PPM1E: variants seen among roughly 807,000 people sequenced by gnomAD.
PPM1E encodes the protein protein phosphatase, Mg2+/Mn2+ dependent 1E.
Under a neutral mutation model 65.9 loss-of-function variants are expected in PPM1E, and 20 were observed. That is an observed-to-expected ratio of 0.30 (90% CI 0.21 to 0.44). The LOEUF is 0.44. Ranked by LOEUF, PPM1E falls within the 20% of genes least tolerant of loss-of-function variation. The probability of loss-of-function intolerance (pLI) is 1.00; values close to 1 mark genes in which losing one functional copy is unlikely to be tolerated. For missense variants in PPM1E, 713 were observed against 953.1 expected, an observed-to-expected ratio of 0.75 and a Z score of 3.32; for synonymous variants, 352 against 374.9, an observed-to-expected ratio of 0.94 and a Z score of 0.70.
intron 1 of PPM1E, among the ~76,000 whole-genome samples, chr17:58,834,669 G>T: frequency 6.6e-6 from 1 of 152,094 alleles, no homozygotes; most frequent in Non-Finnish European, 1.5e-5. Context: ...TCATTAAATT[G>T]CTTTTATGCC....
At chr17:58,835,580 A>T (rs1416705462) in intron 1 of PPM1E, among the ~76,000 whole-genome samples, 2 of 152,130 alleles carry the variant, frequency 1.3e-5, no homozygotes, top group African/African-American at 4.8e-5. Flanking sequence ...AGCATTTAGG[A>T]GGTTGAGGTA....
At chr17:58,832,049 G>C (rs1236002244) in intron 1 of PPM1E, among the ~76,000 whole-genome samples, 1 of 152,142 alleles carries the variant, frequency 6.6e-6, no homozygotes, top group Admixed American at 6.5e-5. Context: ...CTTTGTCTCT[G>C]TAGGACTATT....
At chr17:58,803,992 G>C (rs1278991889) in intron 1 of PPM1E, among the ~76,000 whole-genome samples, 1 of 152,232 alleles carries the variant, frequency 6.6e-6, no homozygotes, top group Non-Finnish European at 1.5e-5. Flanking sequence ...GCACTGGCAT[G>C]ATCATAGCTC....
chr17:58,868,568 CT>C (rs533820677), intron 1 of PPM1E, among the ~76,000 whole-genome samples: 37,126 of 128,046 alleles, frequency 0.29, 4,633 homozygotes, highest in Middle Eastern at 0.44. Flanking sequence ...AATGTCCAGG[CT>C]TTTTTTTTTT....
chr17:58,981,034 T>C lies in PPM1E; in HGVS notation c.*3T>C, dbSNP rs1331819009. 2 of 1,574,896 alleles carry C rather than the reference T, an allele frequency of 1.3e-6. No individual in the cohort carries two copies. The highest frequency in any genetic ancestry group is 1.7e-6 in the Non-Finnish European group (2 of 1,165,084). On this transcript the variant is annotated 3_prime_UTR_variant, in exon 7 of 7. Coordinates refer to ENST00000308249, the MANE Select transcript of PPM1E (RefSeq NM_014906.5). ...CTTGGAGCTATAAAATAGAATAATT[T>C]TTCTTTCAAGTAGGTTAGCTAGCTC...
intron 1 of PPM1E, among the ~76,000 whole-genome samples, chr17:58,813,602 G>A (rs1457718206): frequency 2.0e-5 from 3 of 152,160 alleles, no homozygotes; most frequent in African/African-American, 7.2e-5. Context: ...GTTTATTTGT[G>A]AGAGAATTTG....
intron 1 of PPM1E, among the ~76,000 whole-genome samples, chr17:58,820,573 A>G (rs923862165): frequency 1.3e-5 from 2 of 152,204 alleles, no homozygotes; most frequent in African/African-American, 4.8e-5. Context: ...GAGTGTGCTT[A>G]TTGGACCTAC....
In PPM1E at chr17:58,983,149, G is replaced by A. The variant is rs2143856712; in HGVS notation, c.*2118G>A. On this transcript the variant is annotated 3_prime_UTR_variant, in exon 7 of 7. Coordinates refer to ENST00000308249, the MANE Select transcript of PPM1E (RefSeq NM_014906.5). Reference sequence around the variant, plus strand: ...TGGGACAAACACAGACCCATCTTTAGGGGTCTGGATTTTGTAGGTCCGACT... The same window carrying A: ...TGGGACAAACACAGACCCATCTTTAAGGGTCTGGATTTTGTAGGTCCGACT... 1 of 473,516 alleles carries A rather than the reference G, an allele frequency of 2.1e-6. No homozygotes were observed. Among genetic ancestry groups the A allele is most frequent in the East Asian group, 3.3e-5 (1 of 30,324 alleles). 29.3% of individuals were successfully genotyped at this position (473,516 alleles called of 1,614,324 possible).
intron 1 of PPM1E, among the ~76,000 whole-genome samples, chr17:58,800,216 C>T (rs922595268): frequency 1.3e-5 from 2 of 151,888 alleles, no homozygotes; most frequent in African/African-American, 4.8e-5. Flanking sequence ...GTGGTCATTA[C>T]ATTAATTGTT....
intron 1 of PPM1E, among the ~76,000 whole-genome samples, chr17:58,916,998 C>T (rs1223640962): frequency 1.3e-5 from 2 of 152,094 alleles, no homozygotes; most frequent in African/African-American, 4.8e-5. Flanking sequence ...TTGCTTGAGG[C>T]CAGGAGTGTG....
chr17:58,793,040 G>A (rs946666658), intron 1 of PPM1E, among the ~76,000 whole-genome samples: 1 of 151,824 alleles, frequency 6.6e-6, no homozygotes, highest in African/African-American at 2.4e-5. Flanking sequence ...GAGCCATTAC[G>A]CCCAGCCGAA....
At chr17:58,806,346 G>A (rs1459389488) in intron 1 of PPM1E, among the ~76,000 whole-genome samples, 1 of 151,864 alleles carries the variant, frequency 6.6e-6, no homozygotes, top group African/African-American at 2.4e-5. Flanking sequence ...GTGGGAAAGG[G>A]ATGGATGTAA....
rs140438917 is a variant in PPM1E, at chr17:58,918,584, T to C, written c.465-37065T>C. Among the ~76,000 whole-genome samples, 48 of 152,108 alleles carry C rather than the reference T, an allele frequency of 3.2e-4. No homozygotes were observed. The East Asian group carries it at 8.3e-3, about 26-fold the overall frequency. On this transcript the variant is annotated intron_variant, in intron 1 of 6. Coordinates refer to ENST00000308249, the MANE Select transcript of PPM1E (RefSeq NM_014906.5). ...ACTTTGGGAGGCTGAGGCTGGTGGA[T>C]TGCCTGAGCTCAGGAGTTCCAGACC...
intron 1 of PPM1E, among the ~76,000 whole-genome samples, chr17:58,883,101 G>A (rs563305992): frequency 2.0e-5 from 3 of 151,428 alleles, no homozygotes; most frequent in South Asian, 2.1e-4. Flanking sequence ...GATTACAGGC[G>A]CCTGCCACCA....
intron 1 of PPM1E, among the ~76,000 whole-genome samples, chr17:58,845,526 A>G (rs950328034): frequency 6.6e-6 from 1 of 152,100 alleles, no homozygotes; most frequent in Admixed American, 6.6e-5. Flanking sequence ...CCTGGCAACC[A>G]TCATTCTGCT....
At chr17:58,970,847 G>A (rs2030558555) in intron 4 of PPM1E, among the ~76,000 whole-genome samples, 1 of 151,954 alleles carries the variant, frequency 6.6e-6, no homozygotes, top group Admixed American at 6.6e-5. Context: ...TCTGAGTCGA[G>A]GACAAGGGCC....
At chr17:58,947,233 CTTTTT>C (rs71145507) in intron 1 of PPM1E, among the ~76,000 whole-genome samples, 100 of 45,074 alleles carry the variant, frequency 2.2e-3, no homozygotes, top group Middle Eastern at 0.023. Flanking sequence ...CACTCCTGGC[CTTTTT>C]TTTTTTTTTT....
rs1555607471 is a variant in PPM1E at position 58,756,124 on chromosome 17, C to CCCGAACCCGAGT, written c.131_132insACCCGAGTCCGA (p.Glu44_Ser45insProGluSerGlu). The CCCGAACCCGAGT allele has an allele frequency of 5.6e-6, 9 of 1,608,274 alleles. No individual in the cohort carries two copies. In the South Asian group the frequency reaches 1.0e-4, roughly 18 times the overall value. On this transcript the variant is annotated inframe_insertion, in exon 1 of 7. Coordinates refer to ENST00000308249, the MANE Select transcript of PPM1E (RefSeq NM_014906.5). ...ACCCGAACCCGAACCCGAACCCGAA[C>CCCGAACCCGAGT]CCGAGTCCGAGCCCGAGCCCGAACC...
intron 1 of PPM1E, among the ~76,000 whole-genome samples, chr17:58,768,412 C>T (rs985127047): frequency 6.6e-6 from 1 of 152,166 alleles, no homozygotes; most frequent in South Asian, 2.1e-4. Flanking sequence ...ACGTTATTTC[C>T]TGTCTTTCTG....
Sources: allele counts gnomAD v4.1 joint callset (sites outside exome capture counted in the v4.1 genomes callset), GRCh38; gene constraint gnomAD v4.1.1; transcripts MANE v1.5; gene names NCBI Gene and HGNC (gene_info 2026-07-23, HGNC 2026-07-21).